The following PKIB variants were observed in gnomAD, a reference collection of about 807,000 sequenced individuals.
The protein encoded by PKIB is PKI-beta.
A neutral mutation model predicts 4.5 loss-of-function variants in PKIB; 2 were observed. The observed-to-expected ratio is 0.44, with a 90% confidence interval of 0.18 to 1.39. The LOEUF (loss-of-function observed/expected upper bound fraction) is 1.39. PKIB is among the 40% of genes most tolerant of loss of function. The pLI is 0.27. For synonymous variants in PKIB, 38 were observed against 36.0 expected (o/e 1.06, Z -0.20); for missense variants, 94 against 92.6 (o/e 1.02, Z -0.06).
At chr6:122,684,383 A>T (rs1285968623) in intron 3 of PKIB, among the ~76,000 whole-genome samples, 1 of 152,158 alleles carries the variant, frequency 6.6e-6, no homozygotes, top group Non-Finnish European at 1.5e-5. Flanking sequence ...GGAGGAAAAA[A>T]ACACTTTCCC....
intron 1 of PKIB, among the ~76,000 whole-genome samples, chr6:122,615,446 G>A (rs143607688): frequency 0.011 from 1,750 of 152,250 alleles, 36 homozygotes; most frequent in African/African-American, 0.039. Context: ...AAGAAGACAT[G>A]AGAATGAAGA....
chr6:122,699,074 G>A (rs1778690901), intron 3 of PKIB, among the ~76,000 whole-genome samples: 1 of 152,100 alleles, frequency 6.6e-6, no homozygotes, highest in South Asian at 2.1e-4. Context: ...CCTGGAGAAA[G>A]GTGGATGTCA....
chr6:122,709,726 A>C lies in PKIB; in HGVS notation c.-8-8061A>C, dbSNP rs142454874. 3.8e-3 allele frequency among the ~76,000 whole-genome samples: 577 copies of C among 152,200 alleles called. 4 individuals are homozygous for C. The highest frequency in any genetic ancestry group is 6.8e-3 in the Middle Eastern group (2 of 294). ...GTTCTATTATTTGGTATCACACTGC[A>C]TTTTCCCTTTGAAAGATAAATAAGT... On this transcript the variant is annotated intron_variant, in intron 3 of 4. Transcript: ENST00000368452.
rs189463229 is a variant in PKIB at position 122,675,064 on chromosome 6, T to G, written c.-75-14T>G. On this transcript the variant is annotated splice_polypyrimidine_tract_variant and intron_variant, in intron 2 of 4. Coordinates refer to ENST00000368452, the MANE Select transcript of PKIB (RefSeq NM_181795.3). Reference sequence around the variant, plus strand: ...CTTTTCTGGTTCTTCATAGTTTTTTTTTTTAATTTGCAGGAAAGAAAGTTT... The same window carrying G: ...CTTTTCTGGTTCTTCATAGTTTTTTGTTTTAATTTGCAGGAAAGAAAGTTT... 116 of 152,612 alleles carry G rather than the reference T, an allele frequency of 7.6e-4. No individual in the cohort carries two copies. Among genetic ancestry groups the G allele is most frequent in the Non-Finnish European group, 1.8e-4 (12 of 68,000 alleles). The allele number at this position is 152,612 out of a possible 1,614,324, so 9.5% of individuals were successfully genotyped here.
chr6:122,570,718 A>T (rs1477557136), intron 2 of PKIB, among the ~76,000 whole-genome samples: 1 of 152,212 alleles, frequency 6.6e-6, no homozygotes, highest in Non-Finnish European at 1.5e-5. Flanking sequence ...TCAGATTCCT[A>T]AGAGGGAAAA....
At chr6:122,568,960 C>T (rs1451742919) in intron 2 of PKIB, among the ~76,000 whole-genome samples, 1 of 152,086 alleles carries the variant, frequency 6.6e-6, no homozygotes, top group East Asian at 1.9e-4. Flanking sequence ...ATTGGCCTCA[C>T]CAACTGCATG....
intron 2 of PKIB, among the ~76,000 whole-genome samples, chr6:122,490,496 AG>A (rs1775908512): frequency 6.6e-6 from 1 of 151,802 alleles, no homozygotes; most frequent in Admixed American, 6.6e-5. Flanking sequence ...TCATGGAGAA[AG>A]GTCCCTCATG....
At chr6:122,593,552 C>T (rs142624748) in intron 3 of PKIB, among the ~76,000 whole-genome samples, 36 of 152,266 alleles carry the variant, frequency 2.4e-4, no homozygotes, top group African/African-American at 8.4e-4. Flanking sequence ...TTCCAGAGCA[C>T]AGCTCAAAAT....
At chr6:122,672,128 G>T (rs1777487965) in intron 2 of PKIB, among the ~76,000 whole-genome samples, 3 of 152,234 alleles carry the variant, frequency 2.0e-5, no homozygotes, top group African/African-American at 7.2e-5. Context: ...TCTTGAAAAG[G>T]CTGCTCTTGT....
intron 2 of PKIB, among the ~76,000 whole-genome samples, chr6:122,517,271 C>T (rs569864759): frequency 3.3e-5 from 5 of 152,260 alleles, no homozygotes; most frequent in Non-Finnish European, 5.9e-5. Context: ...CACCTTCAGG[C>T]ATTATTCAAC....
intron 3 of PKIB, among the ~76,000 whole-genome samples, chr6:122,678,281 C>G (rs560209751): frequency 3.3e-5 from 5 of 152,118 alleles, no homozygotes; most frequent in Non-Finnish European, 5.9e-5. Flanking sequence ...ATCTTCCTTC[C>G]CAATTCCAGT....
chr6:122,697,005 T>A (rs1004867209), intron 3 of PKIB, among the ~76,000 whole-genome samples: 6 of 152,160 alleles, frequency 3.9e-5, no homozygotes, highest in Admixed American at 3.3e-4. Flanking sequence ...AAGTTATTAG[T>A]CATGTCTACT....
intron 2 of PKIB, among the ~76,000 whole-genome samples, chr6:122,543,748 A>G (rs1190195112): frequency 6.6e-6 from 1 of 151,992 alleles, no homozygotes; most frequent in Non-Finnish European, 1.5e-5. Context: ...AGGATACCAG[A>G]GCAGAAAGAG....
chr6:122,585,410 T>C lies in PKIB; in HGVS notation c.-247-511T>C, dbSNP rs971763100. 7.2e-5 allele frequency: 11 copies of C among 152,160 alleles called. No individual in the cohort carries two copies. In the East Asian group the frequency reaches 1.9e-3, roughly 27 times the overall value. 9.4% of individuals were successfully genotyped at this position (152,160 alleles called of 1,614,324 possible). On this transcript the variant is annotated intron_variant, in intron 2 of 6. Coordinates refer to the PKIB transcript ENST00000392491. Reference sequence around the variant, plus strand: ...TAGGACTACCCTTCACCTGGTACTTTTCTAACAGTTGACTTAGTTGTTGGG... The same window carrying C: ...TAGGACTACCCTTCACCTGGTACTTCTCTAACAGTTGACTTAGTTGTTGGG...
intron 2 of PKIB, among the ~76,000 whole-genome samples, chr6:122,508,837 G>A (rs895920162): frequency 1.3e-5 from 2 of 151,814 alleles, no homozygotes; most frequent in African/African-American, 2.4e-5. Flanking sequence ...TGCAAGCTCC[G>A]CCTCCTGGGT....
chr6:122,725,069 A>G, intron 4 of PKIB, 59 bp from the exon 5 acceptor site: 1 of 1,300,048 alleles, frequency 7.7e-7, no homozygotes, highest in East Asian at 2.4e-5. Context: ...GTTTTATTCT[A>G]ACATAATACA....
rs59569106 is a variant in PKIB at position 122,576,710 on chromosome 6, A to ATATATATATATATATATTTT, written c.-247-9210_-247-9209insATATATATATATATATTTTT. On this transcript the variant is annotated intron_variant, in intron 2 of 6. Transcript: ENST00000392491. ...AAAAAATATATATATATATATATAT[A>ATATATATATATATATATTTT]TTTTCTTTTGTATAATTATACCTCA... Among the ~76,000 whole-genome samples the ATATATATATATATATATTTT allele has an allele frequency of 8.2e-5, 9 of 109,982 alleles. 1 individual carries two copies. The highest frequency in any genetic ancestry group is 3.2e-4 in the East Asian group (1 of 3,116). 72.2% of individuals were successfully genotyped at this position (109,982 alleles called of 152,430 possible).
intron 2 of PKIB, among the ~76,000 whole-genome samples, chr6:122,540,741 T>C (rs926277358): frequency 2.6e-5 from 4 of 152,032 alleles, no homozygotes; most frequent in African/African-American, 9.7e-5. Flanking sequence ...AGTCCTTGTT[T>C]ACTTTTGTCT....
intron 3 of PKIB, among the ~76,000 whole-genome samples, chr6:122,715,970 C>T (rs1166768338): frequency 6.6e-6 from 1 of 152,082 alleles, no homozygotes; most frequent in African/African-American, 2.4e-5. Context: ...AAGGGTCATA[C>T]TTCAGTACCT....
Sources: allele counts gnomAD v4.1 joint callset (sites outside exome capture counted in the v4.1 genomes callset), GRCh38; gene constraint gnomAD v4.1.1; transcripts MANE v1.5; gene names NCBI Gene and HGNC (gene_info 2026-07-23, HGNC 2026-07-21).